The following MTX1 variants were observed in gnomAD, a reference collection of about 807,000 sequenced individuals.
MTX1 encodes metaxin 1, also known as metaxin-1.
MTX1 carries 20 observed loss-of-function variants against 39.4 expected under a neutral mutation model. The ratio of observed to expected loss-of-function variants is 0.51; its 90% CI spans 0.36 to 0.74. The LOEUF is 0.74. Among genes scored for constraint, MTX1 ranks in the 30% least tolerant of loss-of-function variants. The probability of loss-of-function intolerance (pLI) is 0.00; values close to 1 mark genes in which losing one functional copy is unlikely to be tolerated. For missense variants in MTX1, 481 were observed against 485.9 expected (o/e 0.99, Z 0.10); for synonymous variants, 209 against 198.6 (o/e 1.05, Z -0.44).
At chr1:155,211,078 A>C in intron 3 of MTX1, 1 of 192,334 alleles carries the variant, frequency 5.2e-6, no homozygotes, top group Non-Finnish European at 1.1e-5. Context: ...GATCTCGGGC[A>C]GGCCATGTAA....
At chr1:155,212,959 G>A (rs1488010389) in intron 6 of MTX1, among the ~76,000 whole-genome samples, 189 bp downstream of exon 6, 7 of 151,978 alleles carry the variant, frequency 4.6e-5, no homozygotes, top group African/African-American at 2.4e-5. Context: ...CAAAAGGGTA[G>A]GGTGGGAGGG....
At position 155,210,633 on chromosome 1, in the gene MTX1, T is replaced by C; in HGVS notation, c.678+6T>C. On this transcript the variant is annotated splice_donor_region_variant and intron_variant, in intron 3 of 7. Transcript: ENST00000368376. Reference sequence around the variant, plus strand: ...TCACCCACCTTCGAAAAGAGGTAGGTGACTTGGATAGAGGGGGCTGCCAGT... The same window carrying C: ...TCACCCACCTTCGAAAAGAGGTAGGCGACTTGGATAGAGGGGGCTGCCAGT... 2 of 1,612,922 alleles carry C rather than the reference T, an allele frequency of 1.2e-6. No homozygotes were observed. The highest frequency in any genetic ancestry group is 1.7e-6 in the Non-Finnish European group (2 of 1,179,474).
Position 155,209,323 on chromosome 1 carries a change from G to A in MTX1, c.519G>A (p.Leu173=). The change falls in exon 1 of 8, where the codon CTG becomes CTA. Residue 173 remains leucine (L), a synonymous_variant. Coordinates refer to ENST00000368376, the MANE Select transcript of MTX1 (RefSeq NM_002455.5). ...TGCCGTCAGTGGACCTGGACAGCCT[G>A]GCCGTGCTGGTGAGGGGTGGCGCCG... ...WGLPSVDLDS[L]AVLTYARFTG... The A allele has an allele frequency of 7.0e-7, 1 of 1,425,276 alleles. No homozygotes were observed. The highest frequency in any genetic ancestry group is 9.2e-7 in the Non-Finnish European group (1 of 1,091,612). The allele number at this position is 1,425,276 out of a possible 1,614,324, so 88.3% of individuals were successfully genotyped here.
Position 155,209,188 on chromosome 1 carries a change from C to T in MTX1, c.384C>T (p.Gly128=), listed in dbSNP as rs891236980. The part of the protein sequence containing the change: ...TATIGGAVAG[G]GPRQGRAEAH... ...CGATCGGAGGGGCGGTGGCGGGGGG[C>T]GGGCCCAGGCAGGGGAGGGCAGAAG... The change falls in exon 1 of 8, where the codon GGC becomes GGT. Residue 128 remains glycine (G), a synonymous_variant. Coordinates refer to ENST00000368376, the MANE Select transcript of MTX1 (RefSeq NM_002455.5). 4.8e-6 allele frequency: 7 copies of T among 1,473,014 alleles called. No homozygotes were observed. In the Admixed American group the frequency reaches 7.8e-5, roughly 17 times the overall value. The allele number at this position is 1,473,014 out of a possible 1,614,324, so 91.2% of individuals were successfully genotyped here.
Position 155,209,251 on chromosome 1 carries a change from G to T in MTX1, c.447G>T (p.Lys149Asn). 1.4e-6 allele frequency: 2 copies of T among 1,448,022 alleles called. No homozygotes were observed. Among genetic ancestry groups the T allele is most frequent in the Non-Finnish European group, 9.1e-7 (1 of 1,097,132 alleles). 89.7% of individuals were successfully genotyped at this position (1,448,022 alleles called of 1,614,324 possible). The change falls in exon 1 of 8, where the codon AAG becomes AAT. Residue 149 changes from lysine (K) to asparagine (N), a missense_variant. Coordinates refer to ENST00000368376, the MANE Select transcript of MTX1 (RefSeq NM_002455.5). ...TGTTTCCGGGACAGAGGGTGGGCAA[G>T]ATGGCGGCGCCCATGGAGCTGTTCT... is the stretch of plus-strand genomic sequence containing the variant. ...KEVFPGQRVG[K>N]MAAPMELFCW...
Position 155,209,290 on chromosome 1 carries a change from C to G in MTX1, c.486C>G (p.Gly162=). 6.9e-7 allele frequency: 1 copy of G among 1,439,828 alleles called. No homozygotes were observed. The highest frequency in any genetic ancestry group is 9.1e-7 in the Non-Finnish European group (1 of 1,096,060). The allele number at this position is 1,439,828 out of a possible 1,614,324, so 89.2% of individuals were successfully genotyped here. A position where few individuals can be genotyped will look rare whatever the true frequency, so the allele number is the denominator to read the frequency against. ...TGGAGCTGTTCTGCTGGTCAGGGGG[C>G]TGGGGGCTGCCGTCAGTGGACCTGG... The part of the protein sequence containing the change: ...APMELFCWSG[G]WGLPSVDLDS... The change falls in exon 1 of 8, where the codon GGC becomes GGG. Residue 162 remains glycine (G), a synonymous_variant. Coordinates refer to ENST00000368376, the MANE Select transcript of MTX1 (RefSeq NM_002455.5).
chr1:155,209,828 T>C (rs1349487115), intron 1 of MTX1, among the ~76,000 whole-genome samples: 2 of 152,268 alleles, frequency 1.3e-5, no homozygotes, highest in East Asian at 3.8e-4. Context: ...GCTTCATTTA[T>C]TCATTGACTC....
In MTX1 at chr1:155,208,701, G is replaced by C; in HGVS notation, c.-104G>C. ...GCCTCTCTTCCCCTCCCCCACCCAA[G>C]CCCCAGCCCGGCCTCCGCTCCGGCC... On this transcript the variant is annotated 5_prime_UTR_variant, in exon 1 of 8. Transcript: ENST00000368376. 21 of 888,614 alleles carry C rather than the reference G, an allele frequency of 2.4e-5. No homozygotes were observed. Among genetic ancestry groups the C allele is most frequent in the Admixed American group, 3.2e-5 (1 of 30,794 alleles). The allele number at this position is 888,614 out of a possible 1,614,324, so 55.0% of individuals were successfully genotyped here. A position where few individuals can be genotyped will look rare whatever the true frequency, so the allele number is the denominator to read the frequency against.
chr1:155,212,389 A>G lies in MTX1; in HGVS notation c.776A>G (p.His259Arg). 6.2e-7 allele frequency: 1 copy of G among 1,614,208 alleles called. No homozygotes were observed. Among genetic ancestry groups the G allele is most frequent in the Non-Finnish European group, 8.5e-7 (1 of 1,180,030 alleles). The change falls in exon 5 of 8, where the codon CAT (histidine) becomes CGT (arginine). Residue 259 changes from histidine (H) to arginine (R), a missense_variant. Physicochemically the swap from His to Arg is conservative, Grantham distance 29. Coordinates refer to ENST00000368376, the MANE Select transcript of MTX1 (RefSeq NM_002455.5). ...CTTCCTGCCCACCCAATCCAGGTACATACTTTTTGGATAGACACCAAGAAC... is the reference window on the plus strand; with the variant it reads ...CTTCCTGCCCACCCAATCCAGGTACGTACTTTTTGGATAGACACCAAGAAC... Reference protein sequence around the residue: ...LEEKLLPVLVHTFWIDTKNYV... With the variant: ...LEEKLLPVLVRTFWIDTKNYV...
chr1:155,210,011 C>A (rs1671047465), intron 1 of MTX1, among the ~76,000 whole-genome samples: 1 of 152,134 alleles, frequency 6.6e-6, no homozygotes, highest in African/African-American at 2.4e-5. Context: ...CAGATACTGC[C>A]AAAGAGAAGG....
Position 155,210,599 on chromosome 1 carries a change from A to C in MTX1, c.650A>C (p.His217Pro), listed in dbSNP as rs199905833. ...CATGGAGAGGTCATCTCAGTTCCAC[A>C]CAAGATCATCACCCACCTTCGAAAA... ...TSHGEVISVP[H>P]KIITHLRKEK... The change falls in exon 3 of 8, where the codon CAC becomes CCC. Residue 217 changes from histidine to proline, a missense_variant. His to Pro is a moderately conservative substitution (Grantham distance 77). Transcript: ENST00000368376. 4 of 1,614,140 alleles carry C rather than the reference A, an allele frequency of 2.5e-6. No homozygotes were observed. The highest frequency in any genetic ancestry group is 2.5e-6 in the Non-Finnish European group (3 of 1,180,022).
At chr1:155,212,813 A>G in intron 6 of MTX1, 43 bp downstream of exon 6, 1 of 1,507,724 alleles carries the variant, frequency 6.6e-7, no homozygotes, top group Non-Finnish European at 8.9e-7. Context: ...TTGGAAGAAG[A>G]TACAGGTTCA....
At chr1:155,209,445 A>T (rs1337601877) in intron 1 of MTX1, 113 bp downstream of exon 1, 2 of 1,201,988 alleles carry the variant, frequency 1.7e-6, no homozygotes, top group African/African-American at 3.2e-5. Flanking sequence ...AGTGGGGGAA[A>T]CTGAGGCAGT....
Position 155,208,829 on chromosome 1 carries a change from A to C in MTX1, c.25A>C (p.Ser9Arg). 6.3e-7 allele frequency: 1 copy of C among 1,577,998 alleles called. No homozygotes were observed. Among genetic ancestry groups the C allele is most frequent in the Non-Finnish European group, 8.6e-7 (1 of 1,159,438 alleles). MLLGGPPRSPRSGTSPKGP... is the reference protein window; with the variant it reads MLLGGPPRRPRSGTSPKGP... ...CATGCTGCTCGGGGGACCCCCCCGCAGTCCCCGCTCGGGGACGAGCCCCAA... is the reference window on the plus strand; with the variant it reads ...CATGCTGCTCGGGGGACCCCCCCGCCGTCCCCGCTCGGGGACGAGCCCCAA... The change falls in exon 1 of 8, where the codon AGT becomes CGT. Residue 9 changes from serine to arginine, a missense_variant. By Grantham distance (110) the Ser-to-Arg change is moderately radical. Transcript: ENST00000368376.
In MTX1 at chr1:155,210,366, T is replaced by C; in HGVS notation, c.549T>C (p.Gly183=). ...TGCAGACCTATGCCAGATTTACTGG[T>C]GCTCCACTGAAGGTACACAAGATCA... The part of the protein sequence containing the change: ...LAVLTYARFT[G]APLKVHKISN... The change falls in exon 2 of 8, where the codon GGT becomes GGC. Residue 183 remains glycine, a synonymous_variant. Coordinates refer to ENST00000368376, the MANE Select transcript of MTX1 (RefSeq NM_002455.5). 16 of 1,614,236 alleles carry C rather than the reference T, an allele frequency of 9.9e-6. No homozygotes were observed. The highest frequency in any genetic ancestry group is 1.3e-5 in the African/African-American group (1 of 75,076).
chr1:155,210,994 G>A (rs1424151206), intron 3 of MTX1: 17 of 312,558 alleles, frequency 5.4e-5, no homozygotes, highest in South Asian at 3.8e-4. Context: ...GAGCCAGGTT[G>A]GAGAAGATGA....
chr1:155,209,614 C>T (rs756659531), intron 1 of MTX1, among the ~76,000 whole-genome samples: 1 of 152,220 alleles, frequency 6.6e-6, no homozygotes, highest in Non-Finnish European at 1.5e-5. Context: ...GATCCTTTCT[C>T]TTTGGGCATT....
At chr1:155,211,972 G>A (rs980036116) in intron 3 of MTX1, 155 bp from the exon 4 acceptor site, 2 of 611,350 alleles carry the variant, frequency 3.3e-6, no homozygotes, top group African/African-American at 1.9e-5. Flanking sequence ...CTACTGGCTG[G>A]GCCCAGGCAA....
At chr1:155,212,986 G>A (rs1256816942) in intron 6 of MTX1, among the ~76,000 whole-genome samples, 1 of 151,984 alleles carries the variant, frequency 6.6e-6, no homozygotes, top group African/African-American at 2.4e-5. Context: ...GGCACAGGAG[G>A]GGCCTGAAGA....
Sources: gnomAD v4.1 joint callset for allele counts (sites outside exome capture counted in the v4.1 genomes callset) on GRCh38, gnomAD v4.1.1 for gene constraint, MANE v1.5 for transcripts, NCBI Gene and HGNC (gene_info 2026-07-23, HGNC 2026-07-21) for gene names.